The following SREBF2 variants were observed in gnomAD, a reference collection of about 807,000 sequenced individuals.
SREBF2 encodes the protein sterol regulatory element-binding protein 2.
Under a neutral mutation model 113.1 loss-of-function variants are expected in SREBF2, and 55 were observed. The ratio of observed to expected loss-of-function variants is 0.49; its 90% confidence interval spans 0.39 to 0.61. SREBF2 has a LOEUF of 0.61. Among genes scored for constraint, SREBF2 ranks in the 20% least tolerant of loss-of-function variants. The pLI, the probability that SREBF2 is intolerant of heterozygous loss-of-function variation, is 0.00. For synonymous variants in SREBF2, 593 were observed against 605.7 expected, an observed-to-expected ratio of 0.98 and a Z score of 0.31; for missense variants, 1,349 against 1,487.4, an observed-to-expected ratio of 0.91 and a Z score of 1.53.
chr22:41,865,021 C>G (rs1602299668), intron 1 of SREBF2, among the ~76,000 whole-genome samples: 1 of 152,140 alleles, frequency 6.6e-6, no homozygotes, highest in African/African-American at 2.4e-5. Flanking sequence ...TCAAGTGACC[C>G]TCCCACCTTG....
rs755990008 is a variant in SREBF2, at chr22:41,868,598, C to G, written c.539-13C>G. 6.2e-7 allele frequency: 1 copy of G among 1,614,068 alleles called. No individual in the cohort carries two copies. The highest frequency in any genetic ancestry group is 8.5e-7 in the Non-Finnish European group (1 of 1,180,036). ...TCCTCATCTCTGTGCCTTCTTTCTCCTCTTCTCCCAAGTCCTTCAGCCTCA... is the reference window on the plus strand; with the variant it reads ...TCCTCATCTCTGTGCCTTCTTTCTCGTCTTCTCCCAAGTCCTTCAGCCTCA... On this transcript the variant is annotated splice_polypyrimidine_tract_variant and intron_variant, in intron 2 of 18. Transcript: ENST00000361204.
chr22:41,897,088 T>G lies in SREBF2; in HGVS notation c.2532T>G (p.Leu844=). ...GTGCTCTGGAGTACTTGAAATTACTTCATTCTTTTGTGGACTCTGTGGGGG... is the reference window on the plus strand; with the variant it reads ...GTGCTCTGGAGTACTTGAAATTACTGCATTCTTTTGTGGACTCTGTGGGGG... ...FSSALEYLKL[L]HSFVDSVGVM... is the part of the protein sequence containing the mutation. Residue 844 remains leucine (L), a synonymous_variant, in exon 14 of 19, where the codon CTT becomes CTG. Coordinates refer to ENST00000361204, the MANE Select transcript of SREBF2 (RefSeq NM_004599.4). 1 of 1,613,336 alleles carries G rather than the reference T, an allele frequency of 6.2e-7. No homozygotes were observed.
intron 1 of SREBF2, among the ~76,000 whole-genome samples, chr22:41,837,717 G>T (rs1051750290): frequency 2.0e-5 from 3 of 151,540 alleles, no homozygotes; most frequent in African/African-American, 7.3e-5. Context: ...AATTAGCCGG[G>T]CGTCGTGGCA....
chr22:41,898,593 G>A (rs952859828), intron 14 of SREBF2, 56 bp from the exon 15 acceptor site: 74 of 1,610,780 alleles, frequency 4.6e-5, no homozygotes, highest in East Asian at 6.7e-5. Flanking sequence ...GCCTCTGAGC[G>A]CCACAGGTCT....
chr22:41,867,352 A>G (rs999966621), intron 2 of SREBF2, 72 bp downstream of exon 2: 25 of 1,529,564 alleles, frequency 1.6e-5, no homozygotes, highest in Non-Finnish European at 2.0e-5. Context: ...GACACTGTAA[A>G]TATTTCTGTC....
chr22:41,893,326 T>C (rs369139876), intron 12 of SREBF2, 41 bp downstream of exon 12: 4 of 1,610,422 alleles, frequency 2.5e-6, no homozygotes, highest in African/African-American at 2.7e-5. Flanking sequence ...GAGAAAGCCA[T>C]GCAAACCGCC....
intron 1 of SREBF2, chr22:41,834,416 G>T (rs547872412): frequency 6.5e-6 from 1 of 152,776 alleles, no homozygotes; most frequent in Admixed American, 6.5e-5. Flanking sequence ...GAGGCCAGGA[G>T]ATGTTGACTT....
intron 1 of SREBF2, among the ~76,000 whole-genome samples, chr22:41,842,256 AT>A (rs1312902522): frequency 1.3e-5 from 2 of 152,184 alleles, no homozygotes; most frequent in East Asian, 1.9e-4. Flanking sequence ...AAGTAATTAA[AT>A]TTTTAGTTTC....
chr22:41,881,620 G>A (rs930587704), intron 10 of SREBF2, among the ~76,000 whole-genome samples: 1 of 152,232 alleles, frequency 6.6e-6, no homozygotes, highest in African/African-American at 2.4e-5. Flanking sequence ...TTGAGAATAA[G>A]CCTTCAGTGG....
intron 1 of SREBF2, among the ~76,000 whole-genome samples, chr22:41,849,785 C>G (rs2076910347): frequency 6.6e-6 from 1 of 152,192 alleles, no homozygotes; most frequent in African/African-American, 2.4e-5. Flanking sequence ...CTTGATGCGT[C>G]CATTACATAC....
intron 1 of SREBF2, among the ~76,000 whole-genome samples, chr22:41,841,765 C>G (rs2267439): frequency 6.6e-6 from 1 of 152,094 alleles, no homozygotes; most frequent in East Asian, 1.9e-4. Flanking sequence ...TCTGGATTCT[C>G]GTCTGAACAT....
At chr22:41,843,887 C>G (rs1003369176) in intron 1 of SREBF2, among the ~76,000 whole-genome samples, 1 of 151,164 alleles carries the variant, frequency 6.6e-6, no homozygotes, top group African/African-American at 2.4e-5. Context: ...TTGGTGGCAC[C>G]AGCCTGTAGT....
At chr22:41,863,790 T>C (rs948699324) in intron 1 of SREBF2, among the ~76,000 whole-genome samples, 1 of 152,188 alleles carries the variant, frequency 6.6e-6, no homozygotes, top group East Asian at 1.9e-4. Flanking sequence ...GGTGCCCAGA[T>C]TGAAATGCAA....
chr22:41,899,259 C>A, intron 15 of SREBF2: 1 of 1,071,560 alleles, frequency 9.3e-7, no homozygotes, highest in Non-Finnish European at 1.1e-6. Context: ...CCACCATCAA[C>A]CCTGGCAACT....
At position 41,833,531 on chromosome 22, in the gene SREBF2, C is replaced by T. The variant is rs535589112; in HGVS notation, c.88+173C>T. On this transcript the variant is annotated intron_variant, in intron 1 of 18. Transcript: ENST00000361204. This position sits in a 1 kb window ranked among gnomAD's most constrained non-coding sequence, Gnocchi z 4.1. ...CCCTTCCGGCGCTGCGAGCGTGAGCCCGACCCAGCTGCGCCGCTCCGGGAG... is the reference window on the plus strand; with the variant it reads ...CCCTTCCGGCGCTGCGAGCGTGAGCTCGACCCAGCTGCGCCGCTCCGGGAG... 9.7e-6 allele frequency: 5 copies of T among 515,274 alleles called. No individual in the cohort carries two copies. The highest frequency in any genetic ancestry group is 3.6e-5 in the East Asian group (1 of 27,952). 31.9% of individuals were successfully genotyped at this position (515,274 alleles called of 1,614,324 possible).
rs935879206 is a variant in SREBF2, at chr22:41,880,329, A to G, written c.1762-387A>G. ...CACTTTGGAAGGCCGAGGCAGGTAG[A>G]TCACTTGAGGTCAGGAGTTCGAGAC... On this transcript the variant is annotated intron_variant, in intron 9 of 18. Coordinates refer to ENST00000361204, the MANE Select transcript of SREBF2 (RefSeq NM_004599.4). Among the ~76,000 whole-genome samples the G allele has an allele frequency of 2.7e-5, 4 of 150,702 alleles. No individual in the cohort carries two copies. In the East Asian group the frequency reaches 7.8e-4, roughly 29 times the overall value.
intron 1 of SREBF2, among the ~76,000 whole-genome samples, chr22:41,852,165 G>A (rs959353135): frequency 6.6e-6 from 1 of 151,842 alleles, no homozygotes; most frequent in African/African-American, 2.4e-5. Flanking sequence ...GACCTGGCCT[G>A]GGAGTGAAGG....
At chr22:41,898,162 G>A (rs2077432248) in intron 14 of SREBF2, among the ~76,000 whole-genome samples, 1 of 152,158 alleles carries the variant, frequency 6.6e-6, no homozygotes, top group Non-Finnish European at 1.5e-5. Flanking sequence ...CCAGGCTGGA[G>A]TGCAATGGCA....
At chr22:41,868,462 C>CTGTTGT in intron 2 of SREBF2, 149 bp from the exon 3 acceptor site, 1 of 899,056 alleles carries the variant, frequency 1.1e-6, no homozygotes, top group Non-Finnish European at 1.8e-6. Flanking sequence ...GTTGTCTAAG[C>CTGTTGT]CACCTTGTAA....
Sources: gnomAD v4.1 joint callset for allele counts (sites outside exome capture counted in the v4.1 genomes callset) on GRCh38, gnomAD v4.1.1 for gene constraint, Gnocchi (gnomAD v3.1) non-coding constraint, MANE v1.5 for transcripts, NCBI Gene and HGNC (gene_info 2026-07-23, HGNC 2026-07-21) for gene names.